HPSE2: variants seen among roughly 807,000 people sequenced by gnomAD.
HPSE2 encodes heparanase 2 (inactive).
Under a neutral mutation model 60.5 loss-of-function variants are expected in HPSE2, and 38 were observed. The observed-to-expected ratio is 0.63, with a 90% CI of 0.48 to 0.82. HPSE2 has a LOEUF of 0.82. Ranked by LOEUF, HPSE2 falls within the 40% of genes least tolerant of loss-of-function variation. The probability of loss-of-function intolerance (pLI) is 0.00; values close to 1 mark genes in which losing one functional copy is unlikely to be tolerated. For missense variants in HPSE2, 713 were observed against 740.4 expected (o/e 0.96, Z 0.43); for synonymous variants, 295 against 293.2 (o/e 1.01, Z -0.06).
intron 9 of HPSE2, among the ~76,000 whole-genome samples, chr10:98,587,976 A>T (rs894291736): frequency 2.6e-5 from 4 of 152,214 alleles, no homozygotes; most frequent in Non-Finnish European, 5.9e-5. Context: ...TTCATTCTCT[A>T]TATATCATGC....
chr10:98,952,665 T>C (rs1287091673), intron 3 of HPSE2, among the ~76,000 whole-genome samples: 2 of 152,170 alleles, frequency 1.3e-5, no homozygotes, highest in East Asian at 3.9e-4. Context: ...CAACAGAAAT[T>C]ATTTTCTCAC....
At chr10:99,178,447 G>A (rs1163856973) in intron 2 of HPSE2, among the ~76,000 whole-genome samples, 3 of 152,064 alleles carry the variant, frequency 2.0e-5, no homozygotes, top group African/African-American at 7.2e-5. Flanking sequence ...GATCACCACT[G>A]ATCCCACAGA....
chr10:99,152,992 A>G (rs982544182), intron 2 of HPSE2, among the ~76,000 whole-genome samples: 1 of 152,210 alleles, frequency 6.6e-6, no homozygotes, highest in Non-Finnish European at 1.5e-5. Context: ...GGGGTGACAG[A>G]GGGCACCTGG....
chr10:98,682,039 T>A (rs994024728), intron 6 of HPSE2, among the ~76,000 whole-genome samples: 3 of 152,134 alleles, frequency 2.0e-5, no homozygotes, highest in Non-Finnish European at 4.4e-5. Flanking sequence ...CCCCTTCAAA[T>A]CTCCTCTTGA....
At chr10:98,993,777 C>A (rs1956581339) in intron 3 of HPSE2, among the ~76,000 whole-genome samples, 1 of 152,092 alleles carries the variant, frequency 6.6e-6, no homozygotes, top group Non-Finnish European at 1.5e-5. Flanking sequence ...TTTTCCTGAA[C>A]AGCATCTCTA....
chr10:99,247,859 A>T, the HPSE2 span, among the ~76,000 whole-genome samples: 1 of 152,136 alleles, frequency 6.6e-6, no homozygotes, highest in African/African-American at 2.4e-5. Context: ...GGGTTGTTTA[A>T]GTGTGTAGCA....
At chr10:98,818,716 AG>A (rs1160705986) in intron 3 of HPSE2, among the ~76,000 whole-genome samples, 2 of 152,192 alleles carry the variant, frequency 1.3e-5, no homozygotes, top group African/African-American at 4.8e-5. Context: ...AAGAAAGCTG[AG>A]GCAGTACATA....
intron 3 of HPSE2, among the ~76,000 whole-genome samples, chr10:98,943,995 T>C (rs1418799913): frequency 6.6e-6 from 1 of 152,140 alleles, no homozygotes; most frequent in African/African-American, 2.4e-5. Context: ...CAGAAATAGA[T>C]ATCTAATAAA....
intron 3 of HPSE2, among the ~76,000 whole-genome samples, chr10:98,985,443 A>C (rs1379089253): frequency 6.6e-5 from 10 of 152,228 alleles, no homozygotes; most frequent in Admixed American, 1.3e-4. Flanking sequence ...GCAAATGCTG[A>C]GAGATTTTGT....
chr10:99,168,216 A>G (rs4919281), intron 2 of HPSE2, among the ~76,000 whole-genome samples: 71,540 of 151,890 alleles, frequency 0.47, 19,485 homozygotes, highest in Non-Finnish European at 0.61. Flanking sequence ...ATGATATGAC[A>G]TATCTCCATG....
intron 3 of HPSE2, among the ~76,000 whole-genome samples, chr10:99,009,240 CAAAAAAAAAAAA>C (rs56775967): frequency 1.3e-5 from 1 of 74,422 alleles, no homozygotes; most frequent in Non-Finnish European, 2.2e-5. Context: ...CCAGTGTCTA[CAAAAAAAAAAAA>C]AAAAAAAAAA....
intron 3 of HPSE2, among the ~76,000 whole-genome samples, chr10:98,942,078 T>C (rs1335906716): frequency 7.0e-6 from 1 of 142,632 alleles, no homozygotes; most frequent in Non-Finnish European, 1.5e-5. Context: ...CAAAAATTAA[T>C]TCAAGATGGA....
chr10:98,794,245 T>C (rs1026303344), intron 3 of HPSE2, among the ~76,000 whole-genome samples: 3 of 110,556 alleles, frequency 2.7e-5, no homozygotes, highest in Non-Finnish European at 6.7e-5. Flanking sequence ...TTGCATTAAT[T>C]TTTTTTTTTT....
chr10:98,823,675 A>G (rs191613527), intron 3 of HPSE2, among the ~76,000 whole-genome samples: 1 of 152,300 alleles, frequency 6.6e-6, no homozygotes, highest in East Asian at 1.9e-4. Flanking sequence ...TTAAAGCATA[A>G]ATCTACCAAG....
chr10:98,981,030 G>A (rs1419847221), intron 3 of HPSE2, among the ~76,000 whole-genome samples: 3 of 151,980 alleles, frequency 2.0e-5, no homozygotes, highest in Non-Finnish European at 2.9e-5. Flanking sequence ...AGCCAAAGAT[G>A]GTAATATGTT....
chr10:98,477,776 C>T (rs994766812), intron 11 of HPSE2, among the ~76,000 whole-genome samples: 1 of 152,134 alleles, frequency 6.6e-6, no homozygotes, highest in African/African-American at 2.4e-5. Flanking sequence ...GGCCATGGAC[C>T]AATCCTGTTA....
intron 3 of HPSE2, among the ~76,000 whole-genome samples, chr10:98,987,964 A>C (rs1589471232): frequency 6.6e-6 from 1 of 152,368 alleles, no homozygotes; most frequent in South Asian, 2.1e-4. Flanking sequence ...TTCAAGGAGA[A>C]CTACAAACCA....
chr10:99,235,986 G>A, upstream of HPSE2: 1 of 408,398 alleles, frequency 2.4e-6, no homozygotes, highest in African/African-American at 3.2e-5. Flanking sequence ...TCGCTCGCTC[G>A]TTTTGTTTTT....
intron 3 of HPSE2, among the ~76,000 whole-genome samples, chr10:98,884,289 GA>G (rs923025155): frequency 2.6e-5 from 4 of 152,134 alleles, no homozygotes; most frequent in African/African-American, 7.2e-5. Flanking sequence ...TCCTGATGTA[GA>G]AGCTGTACCA....
Sources: gnomAD v4.1 joint callset for allele counts (sites outside exome capture counted in the v4.1 genomes callset) on GRCh38, gnomAD v4.1.1 for gene constraint, MANE v1.5 for transcripts, NCBI Gene and HGNC (gene_info 2026-07-23, HGNC 2026-07-21) for gene names.